The following CEP63 variants were observed in gnomAD, a reference collection of about 807,000 sequenced individuals.
The protein encoded by CEP63 is centrosomal protein of 63 kDa.
CEP63 carries 84 observed loss-of-function variants against 89.1 expected under a neutral mutation model. The ratio of observed to expected loss-of-function variants is 0.94; its 90% confidence interval spans 0.79 to 1.13. The LOEUF is 1.13. Among genes scored for constraint, CEP63 ranks in the 50% most tolerant of loss-of-function variants. CEP63 has a pLI of 0.00. For missense variants in CEP63, 838 were observed against 813.3 expected, an observed-to-expected ratio of 1.03 and a Z score of -0.37; for synonymous variants, 267 against 272.5, an observed-to-expected ratio of 0.98 and a Z score of 0.20.
chr3:134,485,883 T>A (rs1249731092), upstream of CEP63: 3 of 611,628 alleles, frequency 4.9e-6, no homozygotes, highest in Non-Finnish European at 2.0e-6. Context: ...TAGGGGGAAG[T>A]CCGACACTGA....
the CEP63 span, among the ~76,000 whole-genome samples, chr3:134,657,517 T>A: frequency 2.0e-5 from 3 of 152,230 alleles, no homozygotes; most frequent in Non-Finnish European, 4.4e-5. Context: ...AAAAGCTAAT[T>A]TAAAAGATTG....
At chr3:134,719,163 C>CT in the CEP63 span, among the ~76,000 whole-genome samples, 136 of 148,018 alleles carry the variant, frequency 9.2e-4, 1 homozygote, top group Admixed American at 1.0e-3. Flanking sequence ...AATGCAGCAT[C>CT]TTTTTTTTTT....
chr3:134,538,997 G>A (rs555765300), intron 6 of CEP63, among the ~76,000 whole-genome samples: 2 of 152,098 alleles, frequency 1.3e-5, no homozygotes, highest in Non-Finnish European at 2.9e-5. Context: ...TACTAAGGGT[G>A]TTTGAATTAA....
chr3:134,539,753 G>A (rs542387492), intron 6 of CEP63, among the ~76,000 whole-genome samples: 8 of 151,456 alleles, frequency 5.3e-5, no homozygotes, highest in African/African-American at 1.5e-4. Context: ...AGTATAATTC[G>A]GAAACAACTT....
chr3:134,699,959 C>T, the CEP63 span, among the ~76,000 whole-genome samples: 18 of 152,346 alleles, frequency 1.2e-4, no homozygotes, highest in Admixed American at 2.0e-4. Context: ...AGGCTGGGCT[C>T]GTGGTGAGGC....
the CEP63 span, among the ~76,000 whole-genome samples, chr3:134,690,090 G>A: frequency 1.3e-5 from 2 of 152,264 alleles, no homozygotes; most frequent in East Asian, 1.9e-4. Flanking sequence ...TAGTTTTCTC[G>A]TGAAGCACAA....
the CEP63 span, among the ~76,000 whole-genome samples, chr3:134,697,312 G>T: frequency 5.3e-5 from 8 of 152,236 alleles, 1 homozygote; most frequent in African/African-American, 1.9e-4. Context: ...CTTAGTGTTG[G>T]GTGGAGGCTT....
downstream of CEP63, among the ~76,000 whole-genome samples, chr3:134,588,941 C>T (rs558801917): frequency 2.0e-4 from 30 of 152,294 alleles, 1 homozygote; most frequent in South Asian, 6.0e-3. Flanking sequence ...TCCTTGCCAA[C>T]AGCTGTAAAC....
chr3:134,750,839 T>TA, the CEP63 span, among the ~76,000 whole-genome samples: 2 of 152,212 alleles, frequency 1.3e-5, no homozygotes. Flanking sequence ...GTTTGCTTTT[T>TA]AAAAAAATTG....
the CEP63 span, among the ~76,000 whole-genome samples, chr3:134,660,324 G>C: frequency 2.0e-5 from 3 of 152,214 alleles, no homozygotes; most frequent in Non-Finnish European, 4.4e-5. Context: ...GCTTTGAAAA[G>C]GACTAAATTA....
At chr3:134,514,325 GA>G (rs1379327026) in intron 3 of CEP63, among the ~76,000 whole-genome samples, 16 of 152,048 alleles carry the variant, frequency 1.1e-4, no homozygotes, top group Non-Finnish European at 1.5e-5. Flanking sequence ...AAGGATATGA[GA>G]AAGAGAAGAC....
intron 2 of CEP63, among the ~76,000 whole-genome samples, chr3:134,502,666 G>A (rs1008977972): frequency 1.6e-4 from 24 of 152,016 alleles, no homozygotes; most frequent in African/African-American, 5.8e-4. Flanking sequence ...TGGTTGTAAT[G>A]TCACCTTTGT....
the CEP63 span, among the ~76,000 whole-genome samples, chr3:134,739,955 C>T: frequency 6.6e-6 from 1 of 152,192 alleles, no homozygotes; most frequent in African/African-American, 2.4e-5. Context: ...TGTTCTTCCT[C>T]TCCTTCCCTT....
At chr3:134,697,173 C>A in the CEP63 span, among the ~76,000 whole-genome samples, 15 of 152,310 alleles carry the variant, frequency 9.8e-5, no homozygotes, top group Admixed American at 7.2e-4. Context: ...TTGAAGGGCT[C>A]TCCTGTGAGA....
chr3:134,556,290 A>G (rs1039842332), intron 12 of CEP63, among the ~76,000 whole-genome samples: 2 of 152,152 alleles, frequency 1.3e-5, no homozygotes, highest in African/African-American at 4.8e-5. Flanking sequence ...TCATTAAACT[A>G]AAGAGCTTCT....
intron 12 of CEP63, among the ~76,000 whole-genome samples, chr3:134,556,419 A>G (rs543421481): frequency 6.6e-6 from 1 of 151,994 alleles, no homozygotes; most frequent in Non-Finnish European, 1.5e-5. Context: ...AGGAGAGGAG[A>G]CAATAGCTAA....
chr3:134,501,457 C>T (rs922163622), intron 2 of CEP63, among the ~76,000 whole-genome samples: 1 of 152,176 alleles, frequency 6.6e-6, no homozygotes, highest in Admixed American at 6.5e-5. Flanking sequence ...TCTTCTAATC[C>T]ATGAGCATGG....
the CEP63 span, among the ~76,000 whole-genome samples, chr3:134,719,481 TGTGGCACATAATTCACCCATCTAAGTA>T: frequency 1.3e-5 from 2 of 152,248 alleles, no homozygotes; most frequent in Non-Finnish European, 2.9e-5. Context: ...AGGTATGTCT[TGTGGCACATAATTCACCCATCTAAGTA>T]TACAACTTAA....
At chr3:134,624,058 G>A in the CEP63 span, among the ~76,000 whole-genome samples, 1 of 152,130 alleles carries the variant, frequency 6.6e-6, no homozygotes, top group Non-Finnish European at 1.5e-5. Flanking sequence ...AGACACTAGA[G>A]CCCCTCATAT....
Sources: allele counts gnomAD v4.1 joint callset (sites outside exome capture counted in the v4.1 genomes callset), GRCh38; gene constraint gnomAD v4.1.1; transcripts MANE v1.5; gene names NCBI Gene and HGNC (gene_info 2026-07-23, HGNC 2026-07-21).